Variants in MYO3B observed in about 807,000 individuals in gnomAD.
MYO3B encodes the protein myosin IIIB, also known as myosin-IIIb.
Under a neutral mutation model 174.6 loss-of-function variants are expected in MYO3B, and 156 were observed. The observed-to-expected ratio is 0.89, with a 90% CI of 0.78 to 1.02. The LOEUF (loss-of-function observed/expected upper bound fraction) is 1.02. Among genes scored for constraint, MYO3B ranks in the 50% least tolerant of loss-of-function variants. MYO3B has a pLI of 0.00. For synonymous variants in MYO3B, 563 were observed against 569.1 expected (o/e 0.99, Z 0.15); for missense variants, 1,632 against 1,639.4 (o/e 1.00, Z 0.08).
intron 32 of MYO3B, chr2:170,601,553 G>T: frequency 1.1e-6 from 1 of 944,736 alleles, no homozygotes; most frequent in Non-Finnish European, 1.6e-6. Context: ...GGAGTGAGTT[G>T]TGTACAGGGG....
intron 30 of MYO3B, among the ~76,000 whole-genome samples, chr2:170,526,952 T>C (rs763091043): frequency 2.6e-5 from 4 of 152,258 alleles, no homozygotes; most frequent in Non-Finnish European, 5.9e-5. Flanking sequence ...CAGAGGCCTC[T>C]TTTAAAATAG....
chr2:170,201,760 T>C (rs2092664809), intron 3 of MYO3B, among the ~76,000 whole-genome samples: 1 of 151,252 alleles, frequency 6.6e-6, no homozygotes, highest in African/African-American at 2.4e-5. Flanking sequence ...TGAAGCTGTT[T>C]AACAATGCTA....
chr2:170,218,291 A>G (rs1055099533), intron 6 of MYO3B, among the ~76,000 whole-genome samples: 4 of 152,340 alleles, frequency 2.6e-5, no homozygotes, highest in African/African-American at 7.2e-5. Flanking sequence ...AAAAAGAAAA[A>G]TGCTGCAATT....
chr2:170,316,136 T>C (rs1273598933), intron 7 of MYO3B, among the ~76,000 whole-genome samples: 2 of 152,266 alleles, frequency 1.3e-5, no homozygotes, highest in South Asian at 4.1e-4. Flanking sequence ...CACAGTGTTA[T>C]GATCTTCAAA....
chr2:170,421,835 T>C (rs1277598406), intron 22 of MYO3B, among the ~76,000 whole-genome samples: 2 of 152,220 alleles, frequency 1.3e-5, no homozygotes, highest in African/African-American at 4.8e-5. Flanking sequence ...TGTTGCCTTT[T>C]TCCCCCATCC....
intron 7 of MYO3B, among the ~76,000 whole-genome samples, chr2:170,283,166 C>T (rs1262592481): frequency 6.6e-6 from 1 of 152,090 alleles, no homozygotes; most frequent in Non-Finnish European, 1.5e-5. Flanking sequence ...AGCTCCTTCT[C>T]TAGGGCAATG....
chr2:170,550,952 G>A (rs1240992668), intron 32 of MYO3B, among the ~76,000 whole-genome samples: 5 of 152,156 alleles, frequency 3.3e-5, no homozygotes, highest in Non-Finnish European at 5.9e-5. Flanking sequence ...AGGCTGCAGT[G>A]CGGTGGCATG....
intron 22 of MYO3B, among the ~76,000 whole-genome samples, chr2:170,432,865 A>G (rs568736260): frequency 3.2e-4 from 49 of 152,268 alleles, no homozygotes; most frequent in Non-Finnish European, 3.1e-4. Flanking sequence ...GTGAGCCACC[A>G]TGCCCGGCCA....
At chr2:170,300,959 G>A (rs2093661628) in intron 7 of MYO3B, among the ~76,000 whole-genome samples, 1 of 152,012 alleles carries the variant, frequency 6.6e-6, no homozygotes, top group South Asian at 2.1e-4. Context: ...AGGGAGTTTA[G>A]TTAGTTAGTT....
intron 7 of MYO3B, among the ~76,000 whole-genome samples, chr2:170,244,508 G>A (rs1330299359): frequency 4.6e-5 from 7 of 152,142 alleles, no homozygotes; most frequent in Non-Finnish European, 7.4e-5. Context: ...ATATACAAGT[G>A]AGACTGCTGC....
Position 170,404,253 on chromosome 2 carries a change from T to C in MYO3B, c.2284T>C (p.Tyr762His). Residue 762 changes from tyrosine (Y) to histidine (H), a missense_variant, in exon 20 of 35, where the codon TAT (tyrosine) becomes CAT (histidine). Coordinates refer to ENST00000408978, the MANE Select transcript of MYO3B (RefSeq NM_138995.5). ...ACAATCCATTTCCCTCCAGATGGAA[T>C]ATCAGAATGAAGGCATTGATGCTGT... is the stretch of plus-strand genomic sequence containing the variant. ...QHVFALEQMEYQNEGIDAVPV... is the reference protein window; with the variant it reads ...QHVFALEQMEHQNEGIDAVPV... The C allele has an allele frequency of 6.2e-7, 1 of 1,603,294 alleles. No homozygotes were observed. Among genetic ancestry groups the C allele is most frequent in the Non-Finnish European group, 8.5e-7 (1 of 1,175,842 alleles).
intron 7 of MYO3B, among the ~76,000 whole-genome samples, chr2:170,283,489 A>G (rs1376649358): frequency 6.6e-6 from 1 of 152,152 alleles, no homozygotes; most frequent in Non-Finnish European, 1.5e-5. Flanking sequence ...CTGGTCAGCC[A>G]TCTTGAACCT....
intron 7 of MYO3B, among the ~76,000 whole-genome samples, chr2:170,328,207 G>A (rs967995870): frequency 2.6e-5 from 4 of 151,976 alleles, no homozygotes; most frequent in African/African-American, 9.7e-5. Context: ...GGCCACATAT[G>A]CATATTTTGA....
chr2:170,355,737 T>G (rs1286008504), intron 8 of MYO3B, among the ~76,000 whole-genome samples: 2 of 152,200 alleles, frequency 1.3e-5, no homozygotes, highest in Non-Finnish European at 2.9e-5. Flanking sequence ...CATGGTAGCT[T>G]GGCATCCACC....
chr2:170,409,901 C>G (rs1273307166), intron 22 of MYO3B, among the ~76,000 whole-genome samples: 2 of 152,168 alleles, frequency 1.3e-5, no homozygotes, highest in African/African-American at 2.4e-5. Flanking sequence ...AATTTTAAAA[C>G]GTTCATAGTC....
intron 3 of MYO3B, among the ~76,000 whole-genome samples, chr2:170,211,730 A>G (rs2092772497): frequency 6.6e-6 from 1 of 152,130 alleles, no homozygotes; most frequent in Non-Finnish European, 1.5e-5. Flanking sequence ...AACAAAAAGC[A>G]TTGCCACATG....
At chr2:170,494,335 C>T (rs16858507) in intron 25 of MYO3B, among the ~76,000 whole-genome samples, 9,650 of 152,204 alleles carry the variant, frequency 0.063, 956 homozygotes, top group African/African-American at 0.21. Flanking sequence ...ACTGGATATA[C>T]ACTATTGTGA....
intron 32 of MYO3B, among the ~76,000 whole-genome samples, chr2:170,629,707 G>C (rs774166807): frequency 6.6e-6 from 1 of 152,070 alleles, no homozygotes; most frequent in South Asian, 2.1e-4. Flanking sequence ...AAAATTAGCT[G>C]GGCATGGTGG....
chr2:170,512,133 G>A (rs1688026378), intron 28 of MYO3B, among the ~76,000 whole-genome samples: 1 of 152,142 alleles, frequency 6.6e-6, no homozygotes, highest in Admixed American at 6.5e-5. Context: ...ATTAAGTACT[G>A]GATAATCAAA....
Sources: gnomAD v4.1 joint callset for allele counts (sites outside exome capture counted in the v4.1 genomes callset) on GRCh38, gnomAD v4.1.1 for gene constraint, MANE v1.5 for transcripts, NCBI Gene and HGNC (gene_info 2026-07-23, HGNC 2026-07-21) for gene names.